ATP8A2: variants seen among roughly 807,000 people sequenced by gnomAD.
ATP8A2 encodes the protein ATPase phospholipid transporting 8A2, also known as phospholipid-transporting ATPase IB.
ATP8A2 carries 100 observed loss-of-function variants against 165.6 expected under a neutral mutation model. The observed-to-expected ratio is 0.60, with a 90% confidence interval of 0.51 to 0.71. The LOEUF is 0.71. Among genes scored for constraint, ATP8A2 ranks in the 30% least tolerant of loss-of-function variants. The probability of loss-of-function intolerance (pLI) is 0.00; values close to 1 mark genes in which losing one functional copy is unlikely to be tolerated. For missense variants in ATP8A2, 1,227 were observed against 1,479.5 expected (o/e 0.83, Z 2.80); for synonymous variants, 543 against 548.8 (o/e 0.99, Z 0.15).
At chr13:25,678,105 G>A (rs2042409030) in intron 24 of ATP8A2, among the ~76,000 whole-genome samples, 1 of 152,152 alleles carries the variant, frequency 6.6e-6, no homozygotes, top group African/African-American at 2.4e-5. Flanking sequence ...AGTAATAGAG[G>A]TGCAGGTGGT....
intron 33 of ATP8A2, among the ~76,000 whole-genome samples, chr13:25,934,461 T>A (rs1386302839): frequency 1.3e-5 from 2 of 152,242 alleles, no homozygotes; most frequent in Non-Finnish European, 2.9e-5. Context: ...TCTGCAGCCT[T>A]GATTCCAATG....
At chr13:25,612,133 T>G (rs2040703470) in intron 24 of ATP8A2, among the ~76,000 whole-genome samples, 1 of 152,136 alleles carries the variant, frequency 6.6e-6, no homozygotes, top group Non-Finnish European at 1.5e-5. Flanking sequence ...TCAATTTTAT[T>G]TAGTTATGCT....
At chr13:25,809,947 G>C (rs1312366419) in intron 27 of ATP8A2, among the ~76,000 whole-genome samples, 1 of 152,150 alleles carries the variant, frequency 6.6e-6, no homozygotes, top group African/African-American at 2.4e-5. Flanking sequence ...TAATTAATGT[G>C]TTGCCCCAGA....
intron 2 of ATP8A2, among the ~76,000 whole-genome samples, chr13:25,521,180 C>A (rs904511707): frequency 1.3e-5 from 2 of 152,232 alleles, no homozygotes; most frequent in African/African-American, 4.8e-5. Flanking sequence ...CTATTCAGAT[C>A]TTTTATGCAT....
chr13:25,383,257 G>A (rs2032921228), intron 1 of ATP8A2, among the ~76,000 whole-genome samples: 1 of 151,600 alleles, frequency 6.6e-6, no homozygotes, highest in African/African-American at 2.4e-5. Context: ...TGTTGGCCAG[G>A]ATGGTCTCAA....
At chr13:25,960,193 C>T (rs1955628132) in intron 33 of ATP8A2, among the ~76,000 whole-genome samples, 1 of 152,158 alleles carries the variant, frequency 6.6e-6, no homozygotes, top group South Asian at 2.1e-4. Flanking sequence ...AGTATAGACG[C>T]TGGGCAGGGA....
intron 1 of ATP8A2, among the ~76,000 whole-genome samples, chr13:25,381,717 CTG>C (rs1238146858): frequency 6.6e-6 from 1 of 152,172 alleles, no homozygotes; most frequent in Non-Finnish European, 1.5e-5. Context: ...TGTCTGCAGT[CTG>C]TGATATTTTT....
rs953453838 is a variant in ATP8A2, at chr13:25,513,286, C to T, written c.222-16713C>T. Among the ~76,000 whole-genome samples the T allele has an allele frequency of 2.2e-4, 34 of 151,212 alleles. 1 individual carries two copies. The highest frequency in any genetic ancestry group is 3.9e-4 in the East Asian group (2 of 5,072). On this transcript the variant is annotated intron_variant, in intron 2 of 36. Coordinates refer to ENST00000381655, the MANE Select transcript of ATP8A2 (RefSeq NM_016529.6). Reference sequence around the variant, plus strand: ...GCTCCTCACCTCCCAGACGGGGTCGCGGCCGGGTAGGGGTGCTCCTCACAT... The same window carrying T: ...GCTCCTCACCTCCCAGACGGGGTCGTGGCCGGGTAGGGGTGCTCCTCACAT...
At chr13:25,864,640 T>G (rs1952454634) in intron 33 of ATP8A2, among the ~76,000 whole-genome samples, 1 of 152,262 alleles carries the variant, frequency 6.6e-6, no homozygotes, top group African/African-American at 2.4e-5. Context: ...TGTAAAAGCT[T>G]ATTTTTCTTT....
Position 25,804,979 on chromosome 13 carries a change from G to A in ATP8A2, c.2680-23139G>A, listed in dbSNP as rs1042190721. Among the ~76,000 whole-genome samples the A allele has an allele frequency of 2.6e-4, 40 of 152,174 alleles. 2 individuals are homozygous for A. Among genetic ancestry groups the A allele is most frequent in the Admixed American group, 2.1e-3 (32 of 15,264 alleles). On this transcript the variant is annotated intron_variant, in intron 27 of 36. Coordinates refer to ENST00000381655, the MANE Select transcript of ATP8A2 (RefSeq NM_016529.6). ...ATTATGGAGGTCTTAGGTCCAAAAT[G>A]TAACAGTTATCCAACTCACTGACAT...
At chr13:25,837,320 G>T (rs774680307) in intron 29 of ATP8A2, 35 bp downstream of exon 29, 4 of 1,610,376 alleles carry the variant, frequency 2.5e-6, no homozygotes, top group South Asian at 2.2e-5. Flanking sequence ...TGTCACCTCA[G>T]AAAGGCGTGG....
At chr13:25,597,131 A>T (rs2040256152) in intron 24 of ATP8A2, among the ~76,000 whole-genome samples, 1 of 152,186 alleles carries the variant, frequency 6.6e-6, no homozygotes. Context: ...CTGAATTCTA[A>T]GAGTTTTCTG....
chr13:25,452,967 C>T (rs1251977928), intron 1 of ATP8A2, among the ~76,000 whole-genome samples: 4 of 151,464 alleles, frequency 2.6e-5, no homozygotes, highest in East Asian at 2.0e-4. Context: ...TGGTGGTGGG[C>T]GCCGGTAATT....
At chr13:25,962,703 G>A (rs1446630632) in intron 34 of ATP8A2, among the ~76,000 whole-genome samples, 1 of 152,124 alleles carries the variant, frequency 6.6e-6, no homozygotes, top group East Asian at 1.9e-4. Context: ...ATAGAGAAGT[G>A]AGACTTTAAT....
chr13:25,443,356 A>G (rs923450962), intron 1 of ATP8A2, among the ~76,000 whole-genome samples: 1 of 152,180 alleles, frequency 6.6e-6, no homozygotes, highest in African/African-American at 2.4e-5. Context: ...TGAAGGGTAA[A>G]CGTGAGCTTT....
intron 2 of ATP8A2, among the ~76,000 whole-genome samples, chr13:25,481,561 T>TGTA (rs2036201851): frequency 6.6e-6 from 1 of 152,154 alleles, no homozygotes; most frequent in African/African-American, 2.4e-5. Flanking sequence ...AATTGAAATG[T>TGTA]GTAGTAGTAA....
rs2033956503 is a variant in ATP8A2, at chr13:25,411,281, A to G, written c.76+38993A>G. Among the ~76,000 whole-genome samples, 4 of 152,204 alleles carry G rather than the reference A, an allele frequency of 2.6e-5. No homozygotes were observed. The South Asian group carries it at 8.3e-4, about 32-fold the overall frequency. On this transcript the variant is annotated intron_variant, in intron 1 of 36. Transcript: ENST00000381655. ...TCATGCTTTGTCCTACTCAGCCAGAAGGAGAATATCAGGTGTGTTTCCACA... is the reference window on the plus strand; with the variant it reads ...TCATGCTTTGTCCTACTCAGCCAGAGGGAGAATATCAGGTGTGTTTCCACA...
chr13:25,845,903 C>T (rs1026102693), intron 30 of ATP8A2, among the ~76,000 whole-genome samples: 5 of 152,150 alleles, frequency 3.3e-5, no homozygotes, highest in Middle Eastern at 3.2e-3. Flanking sequence ...TGGCTGGGCA[C>T]GGTGGCTCAT....
At chr13:25,655,308 T>C (rs148410201) in intron 24 of ATP8A2, among the ~76,000 whole-genome samples, 5,244 of 152,238 alleles carry the variant, frequency 0.034, 154 homozygotes, top group East Asian at 0.13. Context: ...TACAGGCATC[T>C]GCCACCACGC....
Sources: gnomAD v4.1 joint callset for allele counts (sites outside exome capture counted in the v4.1 genomes callset) on GRCh38, gnomAD v4.1.1 for gene constraint, MANE v1.5 for transcripts, NCBI Gene and HGNC (gene_info 2026-07-23, HGNC 2026-07-21) for gene names.